The following TPX2 variants were observed in gnomAD, a reference collection of about 807,000 sequenced individuals.
The protein encoded by TPX2 is targeting protein for Xklp2.
In TPX2, 21 loss-of-function variants were observed where a neutral mutation model predicts 93.6. The ratio of observed to expected loss-of-function variants is 0.22; its 90% confidence interval spans 0.16 to 0.32. TPX2 has a LOEUF of 0.32. Ranked by LOEUF, TPX2 falls within the 10% of genes least tolerant of loss-of-function variation. TPX2 has a pLI of 1.00. For synonymous variants in TPX2, 281 were observed against 298.3 expected (o/e 0.94, Z 0.60); for missense variants, 776 against 871.1 (o/e 0.89, Z 1.37).
intron 2 of TPX2, among the ~76,000 whole-genome samples, chr20:31,748,731 T>C (rs569753543): frequency 6.6e-6 from 1 of 152,350 alleles, no homozygotes; most frequent in East Asian, 1.9e-4. Flanking sequence ...GATCTTGGAA[T>C]AGTGTAACTT....
chr20:31,788,557 G>A (rs1313891007), intron 12 of TPX2, among the ~76,000 whole-genome samples: 1 of 152,110 alleles, frequency 6.6e-6, no homozygotes, highest in Non-Finnish European at 1.5e-5. Context: ...CCCCAGTGCT[G>A]AAGCTGTTTC....
At position 31,794,117 on chromosome 20, in the gene TPX2, G is replaced by A. The variant is rs6141618; in HGVS notation, c.1686+93G>A. 3,872 of 1,288,408 alleles carry A rather than the reference G, an allele frequency of 3.0e-3. 154 individuals are homozygous for A. The East Asian group carries it at 0.082, about 27-fold the overall frequency. 79.8% of individuals were successfully genotyped at this position (1,288,408 alleles called of 1,614,324 possible). A position where few individuals can be genotyped will look rare whatever the true frequency, so the allele number is the denominator to read the frequency against. On this transcript the variant is annotated intron_variant, in intron 14 of 17. Transcript: ENST00000300403. ...TAGCACTTTTAACTATAAAATCACT[G>A]ACTTCTTTTGATCTTTCTAAGAACC...
intron 2 of TPX2, among the ~76,000 whole-genome samples, chr20:31,751,898 A>C (rs2061822496): frequency 6.6e-6 from 1 of 152,266 alleles, no homozygotes; most frequent in African/African-American, 2.4e-5. Context: ...ACCTGCCACC[A>C]CACCTGGCTA....
rs1285367834 is a variant in TPX2 at position 31,752,694 on chromosome 20, G to A, written c.-70-4713G>A. On this transcript the variant is annotated intron_variant, in intron 2 of 17. Coordinates refer to ENST00000300403, the MANE Select transcript of TPX2 (RefSeq NM_012112.5). ...GTGGCGTGATCTCGGCTCACTGCAA[G>A]CTCTGCCTCCCGGGTTCACACCATT... Among the ~76,000 whole-genome samples the A allele has an allele frequency of 1.1e-4, 16 of 152,040 alleles. No individual in the cohort carries two copies. In the East Asian group the frequency reaches 3.1e-3, roughly 30 times the overall value.
chr20:31,801,293 T>C lies in TPX2; in HGVS notation c.*213T>C, dbSNP rs2062170606. On this transcript the variant is annotated 3_prime_UTR_variant, in exon 18 of 18. Transcript: ENST00000300403. ...ACTAAGGCTAATAATGAGATGTAAC[T>C]CATGAATGTCTCGATTAGACTCCAT... 1 of 515,432 alleles carries C rather than the reference T, an allele frequency of 1.9e-6. No homozygotes were observed. Among genetic ancestry groups the C allele is most frequent in the Non-Finnish European group, 3.5e-6 (1 of 286,612 alleles). 31.9% of individuals were successfully genotyped at this position (515,432 alleles called of 1,614,324 possible).
intron 5 of TPX2, among the ~76,000 whole-genome samples, chr20:31,767,046 C>T (rs1442333161): frequency 1.3e-5 from 2 of 152,110 alleles, no homozygotes; most frequent in African/African-American, 2.4e-5. Flanking sequence ...AGGTGACCCA[C>T]CCGCCTCAGC....
intron 4 of TPX2, among the ~76,000 whole-genome samples, chr20:31,763,184 G>C (rs1432282156): frequency 1.3e-5 from 2 of 151,834 alleles, no homozygotes; most frequent in Non-Finnish European, 2.9e-5. Context: ...GTGAATTTTA[G>C]GTTTTTTTTC....
intron 2 of TPX2, among the ~76,000 whole-genome samples, chr20:31,757,114 A>G (rs2061856939): frequency 6.6e-6 from 1 of 151,974 alleles, no homozygotes. Flanking sequence ...GGGTCTGTCT[A>G]TGTTTTGTAG....
chr20:31,749,289 A>G (rs1485790040), intron 2 of TPX2, among the ~76,000 whole-genome samples: 2 of 152,084 alleles, frequency 1.3e-5, no homozygotes, highest in Admixed American at 1.3e-4. Flanking sequence ...TAAGAACACC[A>G]CCTTCGGTGT....
At chr20:31,774,672 G>T (rs188287708) in intron 7 of TPX2, among the ~76,000 whole-genome samples, 2 of 152,216 alleles carry the variant, frequency 1.3e-5, no homozygotes, top group South Asian at 2.1e-4. Context: ...GACAGGGTTG[G>T]GATTTAGTCG....
intron 15 of TPX2, among the ~76,000 whole-genome samples, chr20:31,796,066 G>T (rs957434930): frequency 6.6e-6 from 1 of 152,126 alleles, no homozygotes; most frequent in Non-Finnish European, 1.5e-5. Context: ...CCCTCTCAAT[G>T]ACCAAGACAC....
At chr20:31,743,261 G>A (rs1600347937) in intron 2 of TPX2, among the ~76,000 whole-genome samples, 1 of 152,138 alleles carries the variant, frequency 6.6e-6, no homozygotes, top group Non-Finnish European at 1.5e-5. Context: ...ATGATGTGTA[G>A]TATTTGCATA....
At chr20:31,794,891 G>T (rs1394791945) in intron 15 of TPX2, among the ~76,000 whole-genome samples, 1 of 151,784 alleles carries the variant, frequency 6.6e-6, no homozygotes, top group African/African-American at 2.4e-5. Context: ...CACAATCTCG[G>T]CTCACTGCAA....
rs772900211 is a variant in TPX2, at chr20:31,797,385, C to CT, written c.1834-18dup. On this transcript the variant is annotated intron_variant, in intron 15 of 17. Transcript: ENST00000300403. ...GAAAGGTGAGACATTGCTCATCTGACTGACTTTCTCTCTAATAGCTGGAAG... is the reference window on the plus strand; with the variant it reads ...GAAAGGTGAGACATTGCTCATCTGACTTGACTTTCTCTCTAATAGCTGGAAG... 1 of 1,612,848 alleles carries CT rather than the reference C, an allele frequency of 6.2e-7. No homozygotes were observed. The highest frequency in any genetic ancestry group is 2.2e-5 in the East Asian group (1 of 44,852).
chr20:31,801,255 G>A lies in TPX2; in HGVS notation c.*175G>A, dbSNP rs2062170359. On this transcript the variant is annotated 3_prime_UTR_variant, in exon 18 of 18. Transcript: ENST00000300403. Reference sequence around the variant, plus strand: ...GTGGACTCCAGTTTTGTTGAGAATTGTTTTCTTACATTACTAAGGCTAATA... The same window carrying A: ...GTGGACTCCAGTTTTGTTGAGAATTATTTTCTTACATTACTAAGGCTAATA... The A allele has an allele frequency of 1.7e-6, 1 of 572,680 alleles. No individual in the cohort carries two copies. Among genetic ancestry groups the A allele is most frequent in the African/African-American group, 1.9e-5 (1 of 53,324 alleles). The allele number at this position is 572,680 out of a possible 1,614,324, so 35.5% of individuals were successfully genotyped here. A position where few individuals can be genotyped will look rare whatever the true frequency, so the allele number is the denominator to read the frequency against.
intron 12 of TPX2, among the ~76,000 whole-genome samples, chr20:31,788,472 C>G (rs1477972326): frequency 6.7e-6 from 1 of 149,374 alleles, no homozygotes; most frequent in Non-Finnish European, 1.5e-5. Context: ...ACTTTTACAG[C>G]AGAATTTAAG....
At chr20:31,762,014 T>A (rs1450184103) in intron 4 of TPX2, among the ~76,000 whole-genome samples, 2 of 152,230 alleles carry the variant, frequency 1.3e-5, no homozygotes, top group Non-Finnish European at 2.9e-5. Context: ...ATTAGTGATG[T>A]TGAGCATTTT....
chr20:31,801,134 A>C lies in TPX2; in HGVS notation c.*54A>C. On this transcript the variant is annotated 3_prime_UTR_variant, in exon 18 of 18. Coordinates refer to ENST00000300403, the MANE Select transcript of TPX2 (RefSeq NM_012112.5). ...GGCAATGGGACCTGCTCTTAACCTC[A>C]AACCTAGGACCGTCTTGCTTTGTCA... The C allele has an allele frequency of 1.9e-5, 28 of 1,502,606 alleles. No individual in the cohort carries two copies. The highest frequency in any genetic ancestry group is 1.7e-4 in the Middle Eastern group (1 of 5,830). 93.1% of individuals were successfully genotyped at this position (1,502,606 alleles called of 1,614,324 possible).
At chr20:31,788,590 C>G (rs6060948) in intron 12 of TPX2, among the ~76,000 whole-genome samples, 63,200 of 151,896 alleles carry the variant, frequency 0.42, 16,981 homozygotes, top group African/African-American at 0.76. Flanking sequence ...AGTGTTTCCT[C>G]TGCACTTCCA....
Sources: allele counts gnomAD v4.1 joint callset (sites outside exome capture counted in the v4.1 genomes callset), GRCh38; gene constraint gnomAD v4.1.1; transcripts MANE v1.5; gene names NCBI Gene and HGNC (gene_info 2026-07-23, HGNC 2026-07-21).